Variants in CLIP3 observed in about 807,000 individuals in gnomAD.
The protein encoded by CLIP3 is CAP-Gly domain-containing linker protein 3.
In CLIP3, 15 loss-of-function variants were observed where a neutral mutation model predicts 59.4. That is an observed-to-expected ratio of 0.25 (90% CI 0.17 to 0.39). The LOEUF is 0.39. Among genes scored for constraint, CLIP3 ranks in the 10% least tolerant of loss-of-function variants. The pLI is 1.00. For synonymous variants in CLIP3, 300 were observed against 321.6 expected, an observed-to-expected ratio of 0.93 and a Z score of 0.72; for missense variants, 495 against 765.7, an observed-to-expected ratio of 0.65 and a Z score of 4.17.
In CLIP3 at chr19:36,026,542, C is replaced by A. The variant is rs746551382; in HGVS notation, c.562+44G>T. On this transcript the variant is annotated intron_variant, in intron 5 of 13. Coordinates refer to ENST00000360535, the MANE Select transcript of CLIP3 (RefSeq NM_015526.3). The surrounding 1 kb of genome is among the most constrained non-coding windows in gnomAD (Gnocchi z 6.3). ...GCCTCACCTGGGTCTCCGCGTCCCTCACCCAGGTCCTTGCCCCCTCCCAGC... is the reference window on the plus strand; with the variant it reads ...GCCTCACCTGGGTCTCCGCGTCCCTAACCCAGGTCCTTGCCCCCTCCCAGC... 2 of 1,606,764 alleles carry A rather than the reference C, an allele frequency of 1.2e-6. No homozygotes were observed. The highest frequency in any genetic ancestry group is 1.1e-5 in the South Asian group (1 of 90,814).
chr19:36,028,295 G>A (rs767631651), intron 2 of CLIP3, among the ~76,000 whole-genome samples: 25 of 152,120 alleles, frequency 1.6e-4, no homozygotes, highest in Non-Finnish European at 2.2e-4. Flanking sequence ...CTGAGATGGC[G>A]CCGCTGCACT....
intron 9 of CLIP3, 116 bp from the exon 10 acceptor site, chr19:36,018,107 A>C: frequency 8.4e-7 from 1 of 1,189,768 alleles, no homozygotes; most frequent in African/African-American, 1.5e-5. Flanking sequence ...AGTGAAACTG[A>C]ATCCCAGATG....
rs1568542462 is a variant in CLIP3 at position 36,024,555 on chromosome 19, C to T, written c.759G>A (p.Leu253=). 6.2e-7 allele frequency: 1 copy of T among 1,614,276 alleles called. No homozygotes were observed. The highest frequency in any genetic ancestry group is 1.7e-5 in the Admixed American group (1 of 60,032). Reference sequence around the variant, plus strand: ...GAAGCGTCCGCAGCTCCTTGGCCACCAGTGCCGCCTCTGCCTTGTCCAGGG... The same window carrying T: ...GAAGCGTCCGCAGCTCCTTGGCCACTAGTGCCGCCTCTGCCTTGTCCAGGG... ...DMSLDKAEAA[L]VAKELRTLLE... Residue 253 remains leucine, a synonymous_variant, in exon 7 of 14, where the codon CTG becomes CTA. Coordinates refer to ENST00000360535, the MANE Select transcript of CLIP3 (RefSeq NM_015526.3).
In CLIP3 at chr19:36,017,964, G is replaced by A. The variant is rs776157347; in HGVS notation, c.1211C>T (p.Ser404Phe). 1 of 1,614,062 alleles carries A rather than the reference G, an allele frequency of 6.2e-7. No individual in the cohort carries two copies. Residue 404 changes from serine to phenylalanine, a missense_variant, in exon 10 of 14, where the codon TCT (serine) becomes TTT (phenylalanine). Around this residue, in one of 5 missense-constraint regions of CLIP3, gnomAD observed 179 missense variants for 226.2 expected, o/e 0.79. Transcript: ENST00000360535. ...GTCACGCTGCTGCAAGCTGCCCAGAGATGGGGATGATGGGGTCTTCTTCTT... is the reference window on the plus strand; with the variant it reads ...GTCACGCTGCTGCAAGCTGCCCAGAAATGGGGATGATGGGGTCTTCTTCTT... ...KGKKKTPSSP[S>F]LGSLQQRDGA...
intron 7 of CLIP3, among the ~76,000 whole-genome samples, chr19:36,022,552 G>A (rs1378191013): frequency 5.3e-5 from 8 of 152,298 alleles, no homozygotes; most frequent in African/African-American, 1.9e-4. Flanking sequence ...AGTCTGGCTT[G>A]TAAAATGGGA....
rs1969294174 is a variant in CLIP3, at chr19:36,032,546, A to T, written c.-58-131T>A. 1 of 391,328 alleles carries T rather than the reference A, an allele frequency of 2.6e-6. No individual in the cohort carries two copies. The highest frequency in any genetic ancestry group is 4.5e-6 in the Non-Finnish European group (1 of 222,128). The allele number at this position is 391,328 out of a possible 1,614,324, so 24.2% of individuals were successfully genotyped here. The stretch of plus-strand genomic sequence containing the variant: ...AACCATAGGGACCCCCGTTACCCAT[A>T]GAGGGCCCCGGTGTGTGCGCCCAGC... On this transcript the variant is annotated intron_variant, in intron 1 of 13. Coordinates refer to ENST00000360535, the MANE Select transcript of CLIP3 (RefSeq NM_015526.3). This position sits in a 1 kb window ranked among gnomAD's most constrained non-coding sequence, Gnocchi z 4.3.
intron 7 of CLIP3, 49 bp downstream of exon 7, chr19:36,024,347 C>T: frequency 6.6e-7 from 1 of 1,513,382 alleles, no homozygotes; most frequent in South Asian, 1.2e-5. Context: ...GATTAAGGGG[C>T]TGAGTCCCAC....
rs549806217 is a variant in CLIP3, at chr19:36,017,564, C to T, written c.1451+91G>A. 9 of 1,602,140 alleles carry T rather than the reference C, an allele frequency of 5.6e-6. No homozygotes were observed. The Admixed American group carries it at 6.8e-5, about 12-fold the overall frequency. ...GGCTGGGGGCTCGGGGGTGTCCACA[C>T]TGTCCTGCTGGTCTGGGAGGAGGAG... is the stretch of plus-strand genomic sequence containing the variant. On this transcript the variant is annotated intron_variant, in intron 11 of 13. Transcript: ENST00000360535.
At position 36,016,704 on chromosome 19, in the gene CLIP3, G is replaced by C; in HGVS notation, c.1589+203C>G. The stretch of plus-strand genomic sequence containing the variant: ...GAAGGGTGTTCTGCTTCCTTTACCG[G>C]CCCACCCGAAAGTGGAATTCACTAG... On this transcript the variant is annotated intron_variant, in intron 13 of 13. Transcript: ENST00000360535. This position sits in a 1 kb window ranked among gnomAD's most constrained non-coding sequence, Gnocchi z 4.1. 1.7e-6 allele frequency: 1 copy of C among 597,196 alleles called. No individual in the cohort carries two copies. Among genetic ancestry groups the C allele is most frequent in the African/African-American group, 1.9e-5 (1 of 53,806 alleles). The allele number at this position is 597,196 out of a possible 1,614,324, so 37.0% of individuals were successfully genotyped here.
At position 36,026,780 on chromosome 19, in the gene CLIP3, C is replaced by T. The variant is rs2145406514; in HGVS notation, c.401-33G>A. The T allele has an allele frequency of 6.3e-7, 1 of 1,582,324 alleles. No individual in the cohort carries two copies. Among genetic ancestry groups the T allele is most frequent in the Non-Finnish European group, 8.5e-7 (1 of 1,170,228 alleles). On this transcript the variant is annotated intron_variant, in intron 4 of 13. Transcript: ENST00000360535. The surrounding 1 kb of genome is among the most constrained non-coding windows in gnomAD (Gnocchi z 6.3). The stretch of plus-strand genomic sequence containing the variant: ...ATAGGCCGGGTCAGCTTGGAACCCC[C>T]ATTCCAGAGCATGGGCCCAGTGCAC...
rs1447733017 is a variant in CLIP3 at position 36,026,665 on chromosome 19, G to A, written c.483C>T (p.Asn161=). 1 of 1,612,646 alleles carries A rather than the reference G, an allele frequency of 6.2e-7. No individual in the cohort carries two copies. Among genetic ancestry groups the A allele is most frequent in the Non-Finnish European group, 8.5e-7 (1 of 1,179,654 alleles). The change falls in exon 5 of 14, where the codon AAC becomes AAT. Residue 161 remains asparagine (N), a synonymous_variant. Transcript: ENST00000360535. This position sits in a 1 kb window ranked among gnomAD's most constrained non-coding sequence, Gnocchi z 6.3. The part of the protein sequence containing the change: ...ADVTLRSRWT[N]MNALHYAAYF... Reference sequence around the variant, plus strand: ...AGGCCGCGTAGTGAAGCGCGTTCATGTTGGTCCAGCGGCTGCGCAGCGTCA... The same window carrying A: ...AGGCCGCGTAGTGAAGCGCGTTCATATTGGTCCAGCGGCTGCGCAGCGTCA...
chr19:36,016,324 C>T lies in CLIP3; in HGVS notation c.1590-112G>A, dbSNP rs1968798626. 4.3e-6 allele frequency: 5 copies of T among 1,159,110 alleles called. No homozygotes were observed. Among genetic ancestry groups the T allele is most frequent in the Non-Finnish European group, 6.4e-6 (5 of 786,230 alleles). 71.8% of individuals were successfully genotyped at this position (1,159,110 alleles called of 1,614,324 possible). A position where few individuals can be genotyped will look rare whatever the true frequency, so the allele number is the denominator to read the frequency against. ...GCTATCAGGCCTTTCTGGATTCTGC[C>T]TCTACCTCTCTGGCTGTGGTTTGTT... is the stretch of plus-strand genomic sequence containing the variant. On this transcript the variant is annotated intron_variant, in intron 13 of 13. Transcript: ENST00000360535. This position sits in a 1 kb window ranked among gnomAD's most constrained non-coding sequence, Gnocchi z 4.1.
rs781376886 is a variant in CLIP3, at chr19:36,026,913, G to A, written c.400+39C>T. 1 of 1,524,444 alleles carries A rather than the reference G, an allele frequency of 6.6e-7. No homozygotes were observed. The highest frequency in any genetic ancestry group is 8.8e-7 in the Non-Finnish European group (1 of 1,140,062). The allele number at this position is 1,524,444 out of a possible 1,614,324, so 94.4% of individuals were successfully genotyped here. On this transcript the variant is annotated intron_variant, in intron 4 of 13. Transcript: ENST00000360535. This position sits in a 1 kb window ranked among gnomAD's most constrained non-coding sequence, Gnocchi z 6.3. ...TCAGCGTGTTGGGTCTGGGGGCCTA[G>A]GCTTTGGGGCTTATGACTTGGGGGT...
In CLIP3 at chr19:36,024,329, C is replaced by A. The variant is rs1969035067; in HGVS notation, c.918+67G>T. ...GACTGCACTCTGCCCGAGGACGCAG[C>A]TCCAAGGGATTAAGGGGCTGAGTCC... On this transcript the variant is annotated intron_variant, in intron 7 of 13. Transcript: ENST00000360535. 149 of 1,412,716 alleles carry A rather than the reference C, an allele frequency of 1.1e-4. 3 individuals carry two copies. In the South Asian group the frequency reaches 1.5e-3, roughly 14 times the overall value. The allele number at this position is 1,412,716 out of a possible 1,614,324, so 87.5% of individuals were successfully genotyped here.
Position 36,016,135 on chromosome 19 carries a change from T to C in CLIP3, c.*23A>G, listed in dbSNP as rs1968791697. The C allele has an allele frequency of 6.2e-7, 1 of 1,613,700 alleles. No homozygotes were observed. The highest frequency in any genetic ancestry group is 8.5e-7 in the Non-Finnish European group (1 of 1,179,708). ...AGGAGATGCTAGTGGGGACTCTGTCTCTTTGTCAGGTGTCCAGGGCCTCTA... is the reference window on the plus strand; with the variant it reads ...AGGAGATGCTAGTGGGGACTCTGTCCCTTTGTCAGGTGTCCAGGGCCTCTA... On this transcript the variant is annotated 3_prime_UTR_variant, in exon 14 of 14. Transcript: ENST00000360535. This position sits in a 1 kb window ranked among gnomAD's most constrained non-coding sequence, Gnocchi z 4.1.
At chr19:36,031,025 T>TTTTTTTTTTTTTTTTTTTTTTC (rs1969251895) in intron 2 of CLIP3, among the ~76,000 whole-genome samples, 2 of 82,658 alleles carry the variant, frequency 2.4e-5, no homozygotes, top group African/African-American at 1.3e-4. Flanking sequence ...TTTTTTTTCT[T>TTTTTTTTTTTTTTTTTTTTTTC]TTTTTTTTTT....
At position 36,027,076 on chromosome 19, in the gene CLIP3, CCCACACATG is replaced by C. The variant is rs758392571; in HGVS notation, c.307-40_307-32del. 2.5e-6 allele frequency: 4 copies of C among 1,598,424 alleles called. No homozygotes were observed. In the East Asian group the frequency reaches 8.9e-5, roughly 36 times the overall value. The stretch of plus-strand genomic sequence containing the variant: ...AGTACCAGGGGAGCAGGGAGGGTCA[CCCACACATG>C]TGGGGAACCGCATCCCCTCTCCCCC... On this transcript the variant is annotated intron_variant, in intron 3 of 13. Transcript: ENST00000360535.
At chr19:36,018,023 G>A in intron 9 of CLIP3, 32 bp from the exon 10 acceptor site, 2 of 1,611,354 alleles carry the variant, frequency 1.2e-6, no homozygotes, top group Non-Finnish European at 8.5e-7. Context: ...GGTGGGTAGT[G>A]GGGCTGAGGC....
In CLIP3 at chr19:36,014,891, C is replaced by T. The variant is rs2145380817; in HGVS notation, c.*1267G>A. The T allele has an allele frequency of 6.5e-6, 1 of 152,810 alleles. No homozygotes were observed. Among genetic ancestry groups the T allele is most frequent in the Admixed American group, 6.5e-5 (1 of 15,288 alleles). The allele number at this position is 152,810 out of a possible 1,614,324, so 9.5% of individuals were successfully genotyped here. On this transcript the variant is annotated 3_prime_UTR_variant, in exon 14 of 14. Coordinates refer to ENST00000360535, the MANE Select transcript of CLIP3 (RefSeq NM_015526.3). ...ATCGGGGTTCCAGGATTTGAGATCC[C>T]CTCAGGGCCTTGGGGCCTTCCATTT...
Sources: allele counts gnomAD v4.1 joint callset (sites outside exome capture counted in the v4.1 genomes callset), GRCh38; gene constraint gnomAD v4.1.1; regional missense constraint gnomAD v4.1.1; non-coding constraint Gnocchi (gnomAD v3.1); transcripts MANE v1.5; gene names NCBI Gene and HGNC (gene_info 2026-07-23, HGNC 2026-07-21).